The following HTR4 variants were observed in gnomAD, a reference collection of about 807,000 sequenced individuals.
HTR4 encodes 5-hydroxytryptamine (serotonin) receptor 4, G protein-coupled.
A neutral mutation model predicts 36.8 loss-of-function variants in HTR4; 16 were observed. The ratio of observed to expected loss-of-function variants is 0.43; its 90% CI spans 0.29 to 0.66. The LOEUF (loss-of-function observed/expected upper bound fraction) is 0.66. HTR4 is among the 30% of genes least tolerant of loss of function. The probability of loss-of-function intolerance (pLI) is 0.13; values close to 1 mark genes in which losing one functional copy is unlikely to be tolerated. For synonymous variants in HTR4, 189 were observed against 185.1 expected (o/e 1.02, Z -0.17); for missense variants, 438 against 490.9 (o/e 0.89, Z 1.02).
rs537436611 is a variant in HTR4, at chr5:148,652,433, T to A, written c.-48+1629A>T. ...CAGGATGCTTATGTTGGGTTTCAGG[T>A]GCTGTCCTTTAGTCTGTGAAGTTGG... On this transcript the variant is annotated intron_variant, in intron 1 of 6. Coordinates refer to ENST00000377888, the MANE Select transcript of HTR4 (RefSeq NM_000870.7). Among the ~76,000 whole-genome samples the A allele has an allele frequency of 2.0e-5, 3 of 152,242 alleles. No homozygotes were observed. In the South Asian group the frequency reaches 6.2e-4, roughly 32 times the overall value.
intron 2 of HTR4, among the ~76,000 whole-genome samples, chr5:148,590,287 C>CTTTTTTTTTTTTTTTTTTTTTTTTTT (rs779077579): frequency 9.0e-5 from 3 of 33,334 alleles, no homozygotes; most frequent in Non-Finnish European, 1.6e-4. Context: ...TTTTTCTTTT[C>CTTTTTTTTTTTTTTTTTTTTTTTTTT]TTTTTTTTTT....
At chr5:148,514,067 C>T (rs1439439651) in intron 5 of HTR4, among the ~76,000 whole-genome samples, 2 of 152,102 alleles carry the variant, frequency 1.3e-5, no homozygotes, top group Non-Finnish European at 2.9e-5. Context: ...ATGGCAGTTA[C>T]ATTTTTTTCT....
chr5:148,615,362 G>C (rs994962660), intron 2 of HTR4, among the ~76,000 whole-genome samples: 9 of 151,668 alleles, frequency 5.9e-5, no homozygotes, highest in African/African-American at 1.9e-4. Flanking sequence ...AAAAAATGAT[G>C]AGTTCATGTC....
At chr5:148,484,162 C>T (rs1756034736) in intron 6 of HTR4, 1 of 1,312,580 alleles carries the variant, frequency 7.6e-7, no homozygotes, top group Non-Finnish European at 1.0e-6. Flanking sequence ...ATCAAATAAT[C>T]TACAATGGTA....
intron 5 of HTR4, chr5:148,465,804 A>C: frequency 6.3e-7 from 1 of 1,581,006 alleles, no homozygotes; most frequent in Non-Finnish European, 8.6e-7. Context: ...TAAAGAAATA[A>C]ATAGGCAGAC....
At chr5:148,490,708 T>C in intron 6 of HTR4, 1 of 1,234,784 alleles carries the variant, frequency 8.1e-7, no homozygotes, top group Non-Finnish European at 1.0e-6. Flanking sequence ...CTCCTTCAAC[T>C]TTACTAGGAA....
At chr5:148,521,615 A>G (rs1395061560) in intron 5 of HTR4, among the ~76,000 whole-genome samples, 1 of 151,938 alleles carries the variant, frequency 6.6e-6, no homozygotes, top group Non-Finnish European at 1.5e-5. Flanking sequence ...ACATGAACCA[A>G]TTCCTTACAG....
intron 2 of HTR4, among the ~76,000 whole-genome samples, chr5:148,555,431 T>C (rs1759902793): frequency 6.6e-6 from 1 of 152,214 alleles, no homozygotes; most frequent in African/African-American, 2.4e-5. Context: ...ATAGCTTAAC[T>C]TTAAACTAGG....
rs139588395 is a variant in HTR4, at chr5:148,489,276, A to G, written c.1077-5983T>C. On this transcript the variant is annotated intron_variant, in intron 6 of 6. Coordinates refer to ENST00000377888, the MANE Select transcript of HTR4 (RefSeq NM_000870.7). ...TTATTTGCAGGCTCTGGCTGAGTGGAATGAATCCTAGTAACTTTCCCCAGG... is the reference window on the plus strand; with the variant it reads ...TTATTTGCAGGCTCTGGCTGAGTGGGATGAATCCTAGTAACTTTCCCCAGG... 9.8e-5 allele frequency among the ~76,000 whole-genome samples: 15 copies of G among 152,298 alleles called. 1 individual carries two copies. Among genetic ancestry groups the G allele is most frequent in the African/African-American group, 3.6e-4 (15 of 41,560 alleles).
intron 5 of HTR4, among the ~76,000 whole-genome samples, chr5:148,458,904 G>A (rs548080957): frequency 6.6e-6 from 1 of 152,308 alleles, no homozygotes; most frequent in Admixed American, 6.5e-5. Context: ...CTAGAGTGAG[G>A]TTGGAGTGAA....
chr5:148,617,437 T>C (rs949471361), intron 2 of HTR4, among the ~76,000 whole-genome samples: 2 of 151,738 alleles, frequency 1.3e-5, no homozygotes, highest in Non-Finnish European at 2.9e-5. Flanking sequence ...ACACTTCTTA[T>C]AATATTACCC....
chr5:148,544,285 T>TTC (rs1375574971), intron 4 of HTR4, among the ~76,000 whole-genome samples: 1 of 39,012 alleles, frequency 2.6e-5, no homozygotes, highest in Non-Finnish European at 4.4e-5. Context: ...CTTTCTCTCT[T>TTC]TCTCTCTCTC....
Position 148,616,861 on chromosome 5 carries a change from C to T in HTR4, c.26+20128G>A, listed in dbSNP as rs189239080. On this transcript the variant is annotated intron_variant, in intron 2 of 6. Coordinates refer to ENST00000377888, the MANE Select transcript of HTR4 (RefSeq NM_000870.7). ...GTTTTTAATGACTTCTGCACTACAC[C>T]AGGATCATTTAAGTATTTTAATGAA... Among the ~76,000 whole-genome samples the T allele has an allele frequency of 5.9e-5, 9 of 152,170 alleles. No individual in the cohort carries two copies. The East Asian group carries it at 1.7e-3, about 29-fold the overall frequency.
At chr5:148,634,975 G>C (rs1277940596) in intron 2 of HTR4, among the ~76,000 whole-genome samples, 1 of 151,994 alleles carries the variant, frequency 6.6e-6, no homozygotes, top group African/African-American at 2.4e-5. Flanking sequence ...TAGAAAAAGG[G>C]TGTCTAGACT....
chr5:148,530,316 GA>G, intron 4 of HTR4, among the ~76,000 whole-genome samples: 1 of 152,204 alleles, frequency 6.6e-6, no homozygotes, highest in South Asian at 2.1e-4. Flanking sequence ...AAGCCTAGGA[GA>G]AAAAATGGTT....
At chr5:148,471,845 G>T (rs370950785), downstream of HTR4, among the ~76,000 whole-genome samples, 61 of 152,184 alleles carry the variant, frequency 4.0e-4, no homozygotes, top group African/African-American at 1.3e-3. Context: ...GATTTCATCA[G>T]ACTCTCAAAA....
chr5:148,551,773 C>T (rs1759705535), intron 2 of HTR4, among the ~76,000 whole-genome samples: 1 of 152,120 alleles, frequency 6.6e-6, no homozygotes, highest in Non-Finnish European at 1.5e-5. Context: ...AAAAAAATCT[C>T]ATAATGTGTT....
chr5:148,624,066 A>G (rs1006688329), intron 2 of HTR4, among the ~76,000 whole-genome samples: 1 of 152,210 alleles, frequency 6.6e-6, no homozygotes, highest in African/African-American at 2.4e-5. Context: ...TTAGCACAGC[A>G]CCTGGAACAA....
chr5:148,581,245 T>A (rs543694828), intron 2 of HTR4, among the ~76,000 whole-genome samples: 1 of 152,174 alleles, frequency 6.6e-6, no homozygotes. Context: ...TTTTGGAAAT[T>A]AATGCATTAT....
Sources: gnomAD v4.1 joint callset for allele counts (sites outside exome capture counted in the v4.1 genomes callset) on GRCh38, gnomAD v4.1.1 for gene constraint, MANE v1.5 for transcripts, NCBI Gene and HGNC (gene_info 2026-07-23, HGNC 2026-07-21) for gene names.